Variants in PCDHGA9 observed in about 807,000 individuals in gnomAD.
PCDHGA9 encodes the protein protocadherin gamma subfamily A, 9.
PCDHGA9 carries 37 observed loss-of-function variants against 62.5 expected under a neutral mutation model. The observed-to-expected ratio is 0.59, with a 90% CI of 0.46 to 0.78. PCDHGA9 has a LOEUF of 0.78. PCDHGA9 is among the 30% of genes least tolerant of loss of function. The probability of loss-of-function intolerance (pLI) is 0.00; values close to 1 mark genes in which losing one functional copy is unlikely to be tolerated. For missense variants in PCDHGA9, 1,138 were observed against 1,166.2 expected (o/e 0.98, Z 0.35); for synonymous variants, 459 against 484.6 (o/e 0.95, Z 0.69).
rs759191157 is a variant in PCDHGA9, at chr5:141,485,768, C to T, written c.2425-9039C>T. Reference sequence around the variant, plus strand: ...GGTCCCAGAGCTGCTCCTGGAGAAGCCTTTGGATCGAGAGAAGCAATCGGA... The same window carrying T: ...GGTCCCAGAGCTGCTCCTGGAGAAGTCTTTGGATCGAGAGAAGCAATCGGA... On this transcript the variant is annotated intron_variant, in intron 1 of 3. Transcript: ENST00000573521. This position sits in a 1 kb window ranked among gnomAD's most constrained non-coding sequence, Gnocchi z 5.7. The T allele has an allele frequency of 5.6e-6, 9 of 1,614,074 alleles. No individual in the cohort carries two copies. The highest frequency in any genetic ancestry group is 1.7e-5 in the Admixed American group (1 of 60,000).
chr5:141,433,048 G>T (rs777523454), intron 1 of PCDHGA9: 20 of 1,614,142 alleles, frequency 1.2e-5, no homozygotes, highest in Non-Finnish European at 1.5e-5. Flanking sequence ...CCACGGACTC[G>T]CGGAAGAGTC....
At chr5:141,460,488 T>C (rs1226287742) in intron 1 of PCDHGA9, among the ~76,000 whole-genome samples, 1 of 152,186 alleles carries the variant, frequency 6.6e-6, no homozygotes, top group Admixed American at 6.6e-5. Flanking sequence ...ATTGTCTCTT[T>C]GGAAAAATAT....
chr5:141,476,665 C>T lies in PCDHGA9; in HGVS notation c.2425-18142C>T. On this transcript the variant is annotated intron_variant, in intron 1 of 3. Coordinates refer to ENST00000573521, the MANE Select transcript of PCDHGA9 (RefSeq NM_018921.3). This position sits in a 1 kb window ranked among gnomAD's most constrained non-coding sequence, Gnocchi z 7.6. ...GCCGAAATGAATACTTTGCGCTTCG[C>T]GTGCAGACGCGGGAGGACAGCACCA... 6.2e-7 allele frequency: 1 copy of T among 1,614,240 alleles called. No homozygotes were observed. Among genetic ancestry groups the T allele is most frequent in the East Asian group, 2.2e-5 (1 of 44,882 alleles).
In PCDHGA9 at chr5:141,415,309, G is replaced by A. The variant is rs199689792; in HGVS notation, c.2424+9933G>A. ...GGTCTCCTGCGTCTTCCTGGCCTTC[G>A]TCATCGTGCTGCTGGCGCACAGGCT... is the stretch of plus-strand genomic sequence containing the variant. On this transcript the variant is annotated intron_variant, in intron 1 of 3. Coordinates refer to ENST00000573521, the MANE Select transcript of PCDHGA9 (RefSeq NM_018921.3). 2.7e-5 allele frequency: 44 copies of A among 1,614,216 alleles called. No homozygotes were observed. In the Middle Eastern group the frequency reaches 8.2e-4, roughly 30 times the overall value.
chr5:141,422,919 G>C (rs1445179310), intron 1 of PCDHGA9: 9 of 1,614,120 alleles, frequency 5.6e-6, no homozygotes, highest in Non-Finnish European at 6.8e-6. Context: ...CCGAGATCCT[G>C]TACCCTGCCC....
rs750200042 is a variant in PCDHGA9, at chr5:141,418,821, C to A, written c.2424+13445C>A. On this transcript the variant is annotated intron_variant, in intron 1 of 3. Coordinates refer to ENST00000573521, the MANE Select transcript of PCDHGA9 (RefSeq NM_018921.3). ...GAAAGATATACGATAAACATAGAAG[C>A]AAAAGACCGAGGATCTCTCTCAACA... 8.1e-6 allele frequency: 13 copies of A among 1,613,846 alleles called. 1 individual carries two copies. The highest frequency in any genetic ancestry group is 1.6e-4 in the Middle Eastern group (1 of 6,062).
intron 1 of PCDHGA9, chr5:141,414,929 C>T (rs2095802879): frequency 6.2e-7 from 1 of 1,614,152 alleles, no homozygotes; most frequent in Non-Finnish European, 8.5e-7. Context: ...GCGCCCCGCT[C>T]CGCAGAGCCC....
At chr5:141,407,976 G>T (rs1392473551) in intron 1 of PCDHGA9, 2 of 742,146 alleles carry the variant, frequency 2.7e-6, no homozygotes, top group South Asian at 2.3e-5. Flanking sequence ...CTGACGCCGG[G>T]GATCCGTCAG....
rs745989563 is a variant in PCDHGA9, at chr5:141,490,728, T to G, written c.2425-4079T>G. The G allele has an allele frequency of 6.2e-7, 1 of 1,614,148 alleles. No individual in the cohort carries two copies. Among genetic ancestry groups the G allele is most frequent in the East Asian group, 2.2e-5 (1 of 44,882 alleles). ...GCCTCACCTACTCCATTGTAGGAAA[T>G]CAGGTTCAGGGAGCCCCAGCCTCCT... On this transcript the variant is annotated intron_variant, in intron 1 of 3. Transcript: ENST00000573521. The surrounding 1 kb of genome is among the most constrained non-coding windows in gnomAD (Gnocchi z 5.4).
rs1185679701 is a variant in PCDHGA9, at chr5:141,511,384, G to A, written c.*211G>A. On this transcript the variant is annotated 3_prime_UTR_variant, in exon 4 of 4. Coordinates refer to ENST00000573521, the MANE Select transcript of PCDHGA9 (RefSeq NM_018921.3). ...TTGAATATGCAAAAGCAGTTCCGCT[G>A]GGAACCCCCATCCAATCAACTGCTG... is the stretch of plus-strand genomic sequence containing the variant. 3.5e-6 allele frequency: 4 copies of A among 1,154,490 alleles called. No homozygotes were observed. Among genetic ancestry groups the A allele is most frequent in the Admixed American group, 2.9e-5 (1 of 34,748 alleles). 71.5% of individuals were successfully genotyped at this position (1,154,490 alleles called of 1,614,324 possible). A position where few individuals can be genotyped will look rare whatever the true frequency, so the allele number is the denominator to read the frequency against.
chr5:141,464,970 G>A (rs550643230), intron 1 of PCDHGA9, among the ~76,000 whole-genome samples: 1 of 152,028 alleles, frequency 6.6e-6, no homozygotes, highest in East Asian at 1.9e-4. Flanking sequence ...TTGAACTACT[G>A]GCTTCAAGTG....
chr5:141,427,096 T>A, intron 1 of PCDHGA9: 1 of 458,056 alleles, frequency 2.2e-6, no homozygotes, highest in Non-Finnish European at 4.4e-6. Flanking sequence ...GATGAGGGTG[T>A]CAATGCGGAG....
In PCDHGA9 at chr5:141,477,380, G is replaced by C; in HGVS notation, c.2425-17427G>C. The C allele has an allele frequency of 6.2e-7, 1 of 1,614,116 alleles. No homozygotes were observed. The highest frequency in any genetic ancestry group is 8.5e-7 in the Non-Finnish European group (1 of 1,180,028). On this transcript the variant is annotated intron_variant, in intron 1 of 3. Transcript: ENST00000573521. The surrounding 1 kb of genome is among the most constrained non-coding windows in gnomAD (Gnocchi z 4.9). ...AGACCTGGATCGGGAGACTGTGCCA[G>C]AATACAACCTCAGCATCACCGCCCG...
intron 1 of PCDHGA9, chr5:141,421,518 TGA>T: frequency 6.2e-7 from 1 of 1,614,058 alleles, no homozygotes; most frequent in Non-Finnish European, 8.5e-7. Flanking sequence ...AGGAGCTCTG[TGA>T]GACGGTGTCC....
chr5:141,491,034 T>A lies in PCDHGA9; in HGVS notation c.2425-3773T>A. On this transcript the variant is annotated intron_variant, in intron 1 of 3. Coordinates refer to ENST00000573521, the MANE Select transcript of PCDHGA9 (RefSeq NM_018921.3). This position sits in a 1 kb window ranked among gnomAD's most constrained non-coding sequence, Gnocchi z 6.9. ...CCAAGGTGACAGCCGTGGATGCTGA[T>A]GCAGGCCACAATGCGTGGCTCTCCT... 1 of 1,614,170 alleles carries A rather than the reference T, an allele frequency of 6.2e-7. No individual in the cohort carries two copies. Among genetic ancestry groups the A allele is most frequent in the African/African-American group, 1.3e-5 (1 of 75,074 alleles).
rs757926227 is a variant in PCDHGA9, at chr5:141,432,889, G to A, written c.2424+27513G>A. 1.6e-5 allele frequency: 26 copies of A among 1,614,180 alleles called. No individual in the cohort carries two copies. In the East Asian group the frequency reaches 5.8e-4, roughly 36 times the overall value. On this transcript the variant is annotated intron_variant, in intron 1 of 3. Transcript: ENST00000573521. This position sits in a 1 kb window ranked among gnomAD's most constrained non-coding sequence, Gnocchi z 6.0. ...GCGTCTTCCTGGCCTTCGTCATCTT[G>A]CTGCTGGCGCTCAGGCTGCGGCGCT...
At position 141,450,007 on chromosome 5, in the gene PCDHGA9, T is replaced by TA. The variant is rs57702245; in HGVS notation, c.2424+44631_2424+44632insA. Among the ~76,000 whole-genome samples the TA allele has an allele frequency of 5.9e-4, 19 of 31,956 alleles. No homozygotes were observed. In the African/African-American group the frequency reaches 7.8e-3, roughly 13 times the overall value. 21.0% of individuals were successfully genotyped at this position (31,956 alleles called of 152,430 possible). A position where few individuals can be genotyped will look rare whatever the true frequency, so the allele number is the denominator to read the frequency against. On this transcript the variant is annotated intron_variant, in intron 1 of 3. Coordinates refer to ENST00000573521, the MANE Select transcript of PCDHGA9 (RefSeq NM_018921.3). Reference sequence around the variant, plus strand: ...ACATTGCATTTAGTTGCCATGTCTCTTTTTTTTTTTTTTTTTTGAGACAGG... The same window carrying TA: ...ACATTGCATTTAGTTGCCATGTCTCTATTTTTTTTTTTTTTTTTGAGACAGG...
At chr5:141,479,391 T>G (rs2099494461) in intron 1 of PCDHGA9, 1 of 152,266 alleles carries the variant, frequency 6.6e-6, no homozygotes, top group Non-Finnish European at 1.5e-5. Flanking sequence ...AGCCCAGGAG[T>G]TCTGGGCTGT....
In PCDHGA9 at chr5:141,477,500, T is replaced by C. The variant is rs757547508; in HGVS notation, c.2425-17307T>C. The C allele has an allele frequency of 3.1e-6, 5 of 1,614,156 alleles. No homozygotes were observed. Among genetic ancestry groups the C allele is most frequent in the Non-Finnish European group, 4.2e-6 (5 of 1,180,026 alleles). ...CCCTCCACAATCTTCTCAATCTTCC[T>C]ACGACGTTTACATTGAAGAAAACAA... On this transcript the variant is annotated intron_variant, in intron 1 of 3. Coordinates refer to ENST00000573521, the MANE Select transcript of PCDHGA9 (RefSeq NM_018921.3). This position sits in a 1 kb window ranked among gnomAD's most constrained non-coding sequence, Gnocchi z 4.9.
Sources: gnomAD v4.1 joint callset for allele counts (sites outside exome capture counted in the v4.1 genomes callset) on GRCh38, gnomAD v4.1.1 for gene constraint, Gnocchi (gnomAD v3.1) non-coding constraint, MANE v1.5 for transcripts, NCBI Gene and HGNC (gene_info 2026-07-23, HGNC 2026-07-21) for gene names.